The following FHIT variants were observed in gnomAD, a reference collection of about 807,000 sequenced individuals.
FHIT encodes fragile histidine triad diadenosine triphosphatase.
Under a neutral mutation model 17.9 loss-of-function variants are expected in FHIT, and 19 were observed. The observed-to-expected ratio is 1.06, with a 90% confidence interval of 0.74 to 1.56. The LOEUF is 1.56. FHIT is among the 40% of genes most tolerant of loss of function. FHIT has a pLI of 0.00. For missense variants in FHIT, 248 were observed against 189.2 expected, an observed-to-expected ratio of 1.31 and a Z score of -1.82; for synonymous variants, 81 against 69.7, an observed-to-expected ratio of 1.16 and a Z score of -0.81.
chr3:61,119,483 G>C (rs537314254), intron 2 of FHIT, among the ~76,000 whole-genome samples: 1 of 152,076 alleles, frequency 6.6e-6, no homozygotes, highest in Non-Finnish European at 1.5e-5. Context: ...CAAAGTGCTG[G>C]GATTACAGGC....
chr3:60,485,913 T>G (rs1049141066), intron 5 of FHIT, among the ~76,000 whole-genome samples: 1 of 150,744 alleles, frequency 6.6e-6, no homozygotes, highest in Admixed American at 6.6e-5. Context: ...CTAATTGCAG[T>G]GAGATCAGAG....
At chr3:60,178,376 C>T (rs900592260) in intron 5 of FHIT, among the ~76,000 whole-genome samples, 10 of 152,180 alleles carry the variant, frequency 6.6e-5, no homozygotes, top group African/African-American at 9.6e-5. Context: ...CACCTCAGGT[C>T]GGGAGTTCGA....
At chr3:60,333,803 G>C (rs1035126197) in intron 5 of FHIT, among the ~76,000 whole-genome samples, 1 of 151,970 alleles carries the variant, frequency 6.6e-6, no homozygotes, top group Admixed American at 6.6e-5. Context: ...CAACCGTCAG[G>C]CCTCCCAGAT....
At chr3:60,613,515 T>A (rs975095134) in intron 4 of FHIT, among the ~76,000 whole-genome samples, 108 of 152,296 alleles carry the variant, frequency 7.1e-4, no homozygotes, top group African/African-American at 1.9e-3. Flanking sequence ...GAAGAGTACC[T>A]TTTGCATGGA....
chr3:61,195,425 C>A (rs1210294243), intron 2 of FHIT, among the ~76,000 whole-genome samples: 9 of 152,094 alleles, frequency 5.9e-5, no homozygotes, highest in Admixed American at 2.0e-4. Context: ...CATGTTATTG[C>A]TGATGGTAGT....
At chr3:60,434,970 G>A (rs2030077992) in intron 5 of FHIT, among the ~76,000 whole-genome samples, 1 of 152,130 alleles carries the variant, frequency 6.6e-6, no homozygotes, top group African/African-American at 2.4e-5. Flanking sequence ...ACTGTGGCAT[G>A]TATCAAAGAT....
At chr3:61,030,090 C>T (rs2032937913) in intron 3 of FHIT, among the ~76,000 whole-genome samples, 1 of 152,192 alleles carries the variant, frequency 6.6e-6, no homozygotes, top group South Asian at 2.1e-4. Context: ...CTACCTCAGC[C>T]TCCCGATTAG....
chr3:60,394,081 G>C (rs1157503643), intron 5 of FHIT, among the ~76,000 whole-genome samples: 1 of 152,162 alleles, frequency 6.6e-6, no homozygotes, highest in Admixed American at 6.6e-5. Flanking sequence ...CAAAGCCTCA[G>C]GGGTGAGGGT....
intron 5 of FHIT, among the ~76,000 whole-genome samples, chr3:60,127,744 G>A (rs902588803): frequency 6.6e-6 from 1 of 151,946 alleles, no homozygotes; most frequent in Non-Finnish European, 1.5e-5. Context: ...AGCACTATTG[G>A]CGTGCTCCTC....
intron 5 of FHIT, among the ~76,000 whole-genome samples, chr3:60,272,119 G>C (rs200182600): frequency 2.0e-5 from 3 of 152,188 alleles, no homozygotes; most frequent in South Asian, 2.1e-4. Flanking sequence ...TCTCATGAAG[G>C]CTTGCTGATG....
chr3:60,260,935 C>G (rs1706260963), intron 5 of FHIT, among the ~76,000 whole-genome samples: 1 of 151,970 alleles, frequency 6.6e-6, no homozygotes, highest in African/African-American at 2.4e-5. Flanking sequence ...AATGCCATGG[C>G]AAAGTCTGGA....
intron 7 of FHIT, among the ~76,000 whole-genome samples, chr3:59,925,299 TCTCA>T (rs1705602373): frequency 6.6e-6 from 1 of 152,044 alleles, no homozygotes; most frequent in African/African-American, 2.4e-5. Context: ...GCAATGGAGT[TCTCA>T]CTATGTTGCC....
At chr3:60,709,607 A>C (rs1416219539) in intron 4 of FHIT, among the ~76,000 whole-genome samples, 3 of 152,224 alleles carry the variant, frequency 2.0e-5, no homozygotes, top group African/African-American at 7.2e-5. Context: ...CTGGACAAAA[A>C]TAGTGGTTCA....
At chr3:60,319,231 C>T (rs183474894) in intron 5 of FHIT, among the ~76,000 whole-genome samples, 7 of 152,258 alleles carry the variant, frequency 4.6e-5, no homozygotes, top group Non-Finnish European at 8.8e-5. Context: ...GGATTTTCTT[C>T]TTAATACTAG....
chr3:60,435,173 T>C (rs1293103417), intron 5 of FHIT, among the ~76,000 whole-genome samples: 1 of 152,162 alleles, frequency 6.6e-6, no homozygotes, highest in Non-Finnish European at 1.5e-5. Context: ...ATCCAGTTCA[T>C]ACTAGCCTTC....
At chr3:59,904,662 G>A (rs1358969843) in intron 8 of FHIT, among the ~76,000 whole-genome samples, 3 of 152,112 alleles carry the variant, frequency 2.0e-5, no homozygotes, top group Non-Finnish European at 2.9e-5. Flanking sequence ...GTGGTTCCCT[G>A]AGCTCTTGTA....
chr3:61,198,792 G>C (rs1380869400), intron 2 of FHIT, among the ~76,000 whole-genome samples: 1 of 152,022 alleles, frequency 6.6e-6, no homozygotes, highest in Non-Finnish European at 1.5e-5. Context: ...GTAGCAACAT[G>C]CTTATTTTAG....
chr3:59,827,681 A>G (rs181713688), intron 8 of FHIT, among the ~76,000 whole-genome samples: 1 of 152,240 alleles, frequency 6.6e-6, no homozygotes, highest in Non-Finnish European at 1.5e-5. Context: ...GTGGGGCAAC[A>G]GTTTAAATTC....
intron 8 of FHIT, among the ~76,000 whole-genome samples, chr3:59,814,045 T>TACACATACACACAC (rs1553685376): frequency 6.8e-6 from 1 of 146,772 alleles, no homozygotes; most frequent in Non-Finnish European, 1.5e-5. Flanking sequence ...AATTTACACA[T>TACACATACACACAC]ACACACACAC....
Sources: allele counts gnomAD v4.1 joint callset (sites outside exome capture counted in the v4.1 genomes callset), GRCh38; gene constraint gnomAD v4.1.1; transcripts MANE v1.5; gene names NCBI Gene and HGNC (gene_info 2026-07-23, HGNC 2026-07-21).